Variants in FBXW7 observed in about 807,000 individuals in gnomAD.
FBXW7 encodes the protein F-box and WD repeat domain containing 7, also known as F-box/WD repeat-containing protein 7.
FBXW7 carries 11 observed loss-of-function variants against 86.3 expected under a neutral mutation model. That is an observed-to-expected ratio of 0.13 (90% CI 0.08 to 0.21). The LOEUF is 0.21. FBXW7 is among the 10% of genes least tolerant of loss of function. The pLI, the probability that FBXW7 is intolerant of heterozygous loss-of-function variation, is 1.00. For synonymous variants in FBXW7, 313 were observed against 297.9 expected (o/e 1.05, Z -0.52); for missense variants, 488 against 847.4 (o/e 0.58, Z 5.27).
rs777020984 is a variant in FBXW7, at chr4:152,321,688, CTTTAT to C, written c.*1188_*1192del. 4.1e-4 allele frequency: 96 copies of C among 233,090 alleles called. No individual in the cohort carries two copies. Among genetic ancestry groups the C allele is most frequent in the African/African-American group, 1.6e-3 (73 of 45,414 alleles). The allele number at this position is 233,090 out of a possible 1,614,324, so 14.4% of individuals were successfully genotyped here. A position where few individuals can be genotyped will look rare whatever the true frequency, so the allele number is the denominator to read the frequency against. On this transcript the variant is annotated 3_prime_UTR_variant, in exon 14 of 14. Transcript: ENST00000281708. ...GTAAAACACTAAGACTGACCAGCAA[CTTTAT>C]TTTAATTTTGTGTTTTATATATTTT... is the stretch of plus-strand genomic sequence containing the variant.
At chr4:152,447,166 T>C (rs1257698802) in intron 2 of FBXW7, among the ~76,000 whole-genome samples, 1 of 152,210 alleles carries the variant, frequency 6.6e-6, no homozygotes, top group Non-Finnish European at 1.5e-5. Context: ...TCTCTTAACA[T>C]GGTGATTTGA....
intron 2 of FBXW7, among the ~76,000 whole-genome samples, chr4:152,512,677 C>T (rs550356520): frequency 1.3e-5 from 2 of 152,186 alleles, no homozygotes; most frequent in Admixed American, 1.3e-4. Context: ...TAAGAAATGT[C>T]TAAAATAGGC....
intron 4 of FBXW7, among the ~76,000 whole-genome samples, chr4:152,397,695 C>CAAAAAA (rs397995836): frequency 3.3e-5 from 2 of 60,376 alleles, no homozygotes; most frequent in African/African-American, 1.1e-4. Flanking sequence ...CCTAAGAAGC[C>CAAAAAA]AAAAAAAAAA....
At chr4:152,526,085 T>C (rs1749482834) in intron 2 of FBXW7, among the ~76,000 whole-genome samples, 2 of 152,222 alleles carry the variant, frequency 1.3e-5, no homozygotes, top group East Asian at 1.9e-4. Context: ...GTTGGCCACA[T>C]GTAAGTCTTC....
At chr4:152,410,295 G>A (rs1169925834) in intron 4 of FBXW7, among the ~76,000 whole-genome samples, 3 of 152,106 alleles carry the variant, frequency 2.0e-5, no homozygotes, top group Admixed American at 2.0e-4. Context: ...GACTAGGGGG[G>A]CAAAAGGGAG....
chr4:152,467,218 C>A (rs1478050416), intron 2 of FBXW7, among the ~76,000 whole-genome samples: 1 of 152,092 alleles, frequency 6.6e-6, no homozygotes, highest in Admixed American at 6.5e-5. Flanking sequence ...GGGATGATGA[C>A]CTCCATGCTG....
chr4:152,459,294 T>C (rs1560923887), intron 2 of FBXW7, among the ~76,000 whole-genome samples: 1 of 152,198 alleles, frequency 6.6e-6, no homozygotes, highest in Non-Finnish European at 1.5e-5. Flanking sequence ...CTTTTTCCAA[T>C]CAAGCTAATT....
intron 2 of FBXW7, among the ~76,000 whole-genome samples, chr4:152,481,422 G>GT (rs1744865801): frequency 6.6e-6 from 1 of 152,194 alleles, no homozygotes; most frequent in Non-Finnish European, 1.5e-5. Context: ...GACTCATGTT[G>GT]TTTTCATGCC....
chr4:152,464,088 C>A (rs1436776960), intron 2 of FBXW7, among the ~76,000 whole-genome samples: 1 of 152,180 alleles, frequency 6.6e-6, no homozygotes, highest in Non-Finnish European at 1.5e-5. Context: ...CCAGATCCGT[C>A]CAGCTAATGT....
intron 6 of FBXW7, 88 bp downstream of exon 6, chr4:152,346,842 G>T: frequency 6.5e-7 from 1 of 1,538,348 alleles, no homozygotes; most frequent in Non-Finnish European, 8.8e-7. Context: ...CTATGTAACA[G>T]TGTTTCCTTC....
At position 152,330,790 on chromosome 4, in the gene FBXW7, T is replaced by A. The variant is rs2126535201; in HGVS notation, c.1064A>T (p.Tyr355Phe). The change falls in exon 9 of 14, where the codon TAC becomes TTC. Residue 355 changes from tyrosine (Y) to phenylalanine (F), a missense_variant. By Grantham distance (22) the Tyr-to-Phe change is conservative (BLOSUM62 3). This residue lies in a region of FBXW7 where 57 missense variants were observed against 62.8 expected (regional missense o/e 0.91). Transcript: ENST00000281708. ...AGTATCAATTCTGTGCTGTCTGATGTATGCACTTTTCCATGGACTGTGTAT... is the reference window on the plus strand; with the variant it reads ...AGTATCAATTCTGTGCTGTCTGATGAATGCACTTTTCCATGGACTGTGTAT... ...GFIHSPWKSAYIRQHRIDTNW... is the reference protein window; with the variant it reads ...GFIHSPWKSAFIRQHRIDTNW... 1 of 1,612,758 alleles carries A rather than the reference T, an allele frequency of 6.2e-7. No homozygotes were observed. Among genetic ancestry groups the A allele is most frequent in the South Asian group, 1.1e-5 (1 of 91,036 alleles).
chr4:152,440,935 T>C (rs977673659), intron 2 of FBXW7, among the ~76,000 whole-genome samples: 4 of 136,268 alleles, frequency 2.9e-5, no homozygotes, highest in Non-Finnish European at 4.7e-5. Context: ...GTTTATACGG[T>C]TTTTTTTTTT....
chr4:152,446,612 G>C (rs555251103), intron 2 of FBXW7, among the ~76,000 whole-genome samples: 2 of 152,288 alleles, frequency 1.3e-5, no homozygotes, highest in South Asian at 4.1e-4. Flanking sequence ...TTTAGAAAAG[G>C]CAGCTCCACT....
intron 4 of FBXW7, among the ~76,000 whole-genome samples, chr4:152,409,274 A>G (rs1737713887): frequency 6.6e-6 from 1 of 152,188 alleles, no homozygotes. Context: ...TTCATTTCTT[A>G]TGCCTCTACT....
Position 152,457,643 on chromosome 4 carries a change from C to CAA in FBXW7, c.-119-45116_-119-45115dup, listed in dbSNP as rs769232533. Among the ~76,000 whole-genome samples, 560 of 56,212 alleles carry CAA rather than the reference C, an allele frequency of 1.0e-2. 11 individuals carry two copies. Among genetic ancestry groups the CAA allele is most frequent in the African/African-American group, 0.027 (416 of 15,280 alleles). 36.9% of individuals were successfully genotyped at this position (56,212 alleles called of 152,430 possible). On this transcript the variant is annotated intron_variant, in intron 2 of 13. Transcript: ENST00000281708. ...TGGGTGACAGAGCAAGACTCTGTCT[C>CAA]AAAAAAAAAAAAAAAAAAAAAAGAA...
At chr4:152,442,260 C>T (rs1740961584) in intron 2 of FBXW7, among the ~76,000 whole-genome samples, 1 of 152,156 alleles carries the variant, frequency 6.6e-6, no homozygotes, top group South Asian at 2.1e-4. Flanking sequence ...TGGTGGTTCT[C>T]AAACTTCAGT....
chr4:152,369,262 T>G (rs1733776593), intron 4 of FBXW7, among the ~76,000 whole-genome samples: 1 of 152,040 alleles, frequency 6.6e-6, no homozygotes, highest in Non-Finnish European at 1.5e-5. Flanking sequence ...ACAACAACCC[T>G]CTGTAAAAGG....
intron 2 of FBXW7, among the ~76,000 whole-genome samples, chr4:152,526,841 G>C (rs1749555489): frequency 2.6e-5 from 4 of 151,898 alleles, no homozygotes; most frequent in Admixed American, 2.0e-4. Flanking sequence ...GTTCAAATCA[G>C]TCTTTCTTTT....
intron 2 of FBXW7, among the ~76,000 whole-genome samples, chr4:152,479,328 A>G (rs79062377): frequency 0.014 from 2,085 of 152,288 alleles, 26 homozygotes; most frequent in Middle Eastern, 0.037. Context: ...AAGGTAAGCT[A>G]GTATCTTGAT....
Sources: allele counts gnomAD v4.1 joint callset (sites outside exome capture counted in the v4.1 genomes callset), GRCh38; gene constraint gnomAD v4.1.1; regional missense constraint gnomAD v4.1.1; transcripts MANE v1.5; gene names NCBI Gene and HGNC (gene_info 2026-07-23, HGNC 2026-07-21).